SCYL1: variants seen among roughly 807,000 people sequenced by gnomAD.
The protein encoded by SCYL1 is N-terminal kinase-like protein.
SCYL1 carries 85 observed loss-of-function variants against 94.8 expected under a neutral mutation model. The ratio of observed to expected loss-of-function variants is 0.90; its 90% confidence interval spans 0.75 to 1.07. The LOEUF (loss-of-function observed/expected upper bound fraction) is 1.07, where lower values mean the gene tolerates loss of function less well. Among genes scored for constraint, SCYL1 ranks in the 50% least tolerant of loss-of-function variants. SCYL1 has a pLI of 0.00. For synonymous variants in SCYL1, 459 were observed against 435.5 expected, an observed-to-expected ratio of 1.05 and a Z score of -0.67; for missense variants, 968 against 1,083.3, an observed-to-expected ratio of 0.89 and a Z score of 1.49.
Position 65,525,190 on chromosome 11 carries a change from C to A in SCYL1, c.37C>A (p.Pro13Thr). The A allele has an allele frequency of 1.4e-6, 2 of 1,452,384 alleles. No homozygotes were observed. Among genetic ancestry groups the A allele is most frequent in the Non-Finnish European group, 1.8e-6 (2 of 1,097,800 alleles). 90.0% of individuals were successfully genotyped at this position (1,452,384 alleles called of 1,614,324 possible). A position where few individuals can be genotyped will look rare whatever the true frequency, so the allele number is the denominator to read the frequency against. Reference sequence around the variant, plus strand: ...TGCCCGGGACCCGGTCCGGGACTTTCCGTTCGAGCTCATCCCGGAGCCCCC... The same window carrying A: ...TGCCCGGGACCCGGTCCGGGACTTTACGTTCGAGCTCATCCCGGAGCCCCC... ...FFARDPVRDF[P>T]FELIPEPPEG... The change falls in exon 1 of 18, where the codon CCG (proline) becomes ACG (threonine). Residue 13 changes from proline to threonine, a missense_variant. Physicochemically the swap from Pro to Thr is conservative, Grantham distance 38. Coordinates refer to ENST00000270176, the MANE Select transcript of SCYL1 (RefSeq NM_020680.4).
At position 65,530,685 on chromosome 11, in the gene SCYL1, C is replaced by T. The variant is rs200241484; in HGVS notation, c.906C>T (p.Asp302=). 4.1e-5 allele frequency: 66 copies of T among 1,613,968 alleles called. No homozygotes were observed. Among genetic ancestry groups the T allele is most frequent in the African/African-American group, 8.0e-5 (6 of 74,928 alleles). The change falls in exon 7 of 18, where the codon GAC becomes GAT. Residue 302 remains aspartate (D), a synonymous_variant. Coordinates refer to ENST00000270176, the MANE Select transcript of SCYL1 (RefSeq NM_020680.4). ...KFFQELSKSL[D]AFPEDFCRHK... ...TCCAGGAGCTGAGCAAGAGCCTGGA[C>T]GCATTCCCTGAGGATTTCTGTCGGC...
chr11:65,531,824 G>A, intron 8 of SCYL1, 141 bp downstream of exon 8: 1 of 654,510 alleles, frequency 1.5e-6, no homozygotes, highest in Non-Finnish European at 2.7e-6. Flanking sequence ...AATGAGGCCA[G>A]GCTCTCAGAA....
At chr11:65,537,154 C>T (rs1306585940) in intron 14 of SCYL1, 26 bp downstream of exon 14, 2 of 1,612,772 alleles carry the variant, frequency 1.2e-6, no homozygotes, top group African/African-American at 2.7e-5. Flanking sequence ...GGAGCCTCCC[C>T]AGGGGACCCC....
Position 65,538,120 on chromosome 11 carries a change from G to A in SCYL1, c.2185G>A (p.Gly729Ser), listed in dbSNP as rs1324860630. 1.9e-6 allele frequency: 3 copies of A among 1,603,752 alleles called. No individual in the cohort carries two copies. Among genetic ancestry groups the A allele is most frequent in the Admixed American group, 1.7e-5 (1 of 58,548 alleles). The change falls in exon 16 of 18, where the codon GGC becomes AGC. Residue 729 changes from glycine (G) to serine (S), a missense_variant. This residue lies in a region of SCYL1 where 474 missense variants were observed against 463.6 expected (regional missense o/e 1.02). Coordinates refer to ENST00000270176, the MANE Select transcript of SCYL1 (RefSeq NM_020680.4). ...GCTGGCCAGCGAGTATAACTGGGGT[G>A]GCCCAGAGTCCAGCGACAAGGGCGA... is the stretch of plus-strand genomic sequence containing the variant. Reference protein sequence around the residue: ...TRLASEYNWGGPESSDKGDPF... With the variant: ...TRLASEYNWGSPESSDKGDPF...
In SCYL1 at chr11:65,538,637, AGCCCGGCCG is replaced by A; in HGVS notation, c.*76_*84del. The A allele has an allele frequency of 6.6e-7, 1 of 1,517,618 alleles. No individual in the cohort carries two copies. Among genetic ancestry groups the A allele is most frequent in the South Asian group, 1.2e-5 (1 of 80,024 alleles). The allele number at this position is 1,517,618 out of a possible 1,614,324, so 94.0% of individuals were successfully genotyped here. A position where few individuals can be genotyped will look rare whatever the true frequency, so the allele number is the denominator to read the frequency against. On this transcript the variant is annotated 3_prime_UTR_variant, in exon 18 of 18. Transcript: ENST00000270176. Reference sequence around the variant, plus strand: ...ATGTATTTATTGTACAAACCATGTGAGCCCGGCCGGCCCAGCCAGGCCATCTCACGTGTA... The same window carrying A: ...ATGTATTTATTGTACAAACCATGTGAGCCCAGCCAGGCCATCTCACGTGTA...
rs370701660 is a variant in SCYL1, at chr11:65,538,466, G to A, written c.2327G>A (p.Arg776Gln). The change falls in exon 18 of 18, where the codon CGG becomes CAG. Residue 776 changes from arginine (R) to glutamine (Q), a missense_variant. Physicochemically the swap from Arg to Gln is conservative, Grantham distance 43. Coordinates refer to ENST00000270176, the MANE Select transcript of SCYL1 (RefSeq NM_020680.4). ...DSRQVKAELA[R>Q]KKREERRREM... ...GGACAGGTCAAGGCTGAGCTGGCCCGGAAGAAGCGCGAGGAGCGGCGGCGG... is the reference window on the plus strand; with the variant it reads ...GGACAGGTCAAGGCTGAGCTGGCCCAGAAGAAGCGCGAGGAGCGGCGGCGG... The A allele has an allele frequency of 1.1e-5, 18 of 1,575,464 alleles. No individual in the cohort carries two copies. In the African/African-American group the frequency reaches 1.6e-4, roughly 14 times the overall value.
chr11:65,535,287 C>A lies in SCYL1; in HGVS notation c.1291C>A (p.His431Asn). ...CAACCTCAATGTGGAGCTGATGAAG[C>A]ACTTTGCACGGCTACAGGCCAAGGA... ...EANLNVELMK[H>N]FARLQAKDEQ... Residue 431 changes from histidine to asparagine, a missense_variant, in exon 10 of 18, where the codon CAC becomes AAC. Coordinates refer to ENST00000270176, the MANE Select transcript of SCYL1 (RefSeq NM_020680.4). 2 of 1,614,260 alleles carry A rather than the reference C, an allele frequency of 1.2e-6. No individual in the cohort carries two copies. Among genetic ancestry groups the A allele is most frequent in the Non-Finnish European group, 1.7e-6 (2 of 1,180,040 alleles).
chr11:65,530,538 T>C (rs1480382707), intron 6 of SCYL1, 91 bp from the exon 7 acceptor site: 14 of 1,448,274 alleles, frequency 9.7e-6, no homozygotes, highest in Admixed American at 2.1e-5. Context: ...ATAAGGCCCA[T>C]AAGCATCACT....
chr11:65,527,731 CAA>C (rs35335117), intron 6 of SCYL1, among the ~76,000 whole-genome samples: 20 of 88,660 alleles, frequency 2.3e-4, no homozygotes, highest in African/African-American at 2.4e-4. Flanking sequence ...GACTTCGTCT[CAA>C]AAAAAAAAAA....
At chr11:65,535,516 C>A in intron 10 of SCYL1, 134 bp downstream of exon 10, 1 of 1,183,206 alleles carries the variant, frequency 8.5e-7, no homozygotes, top group Non-Finnish European at 1.2e-6. Context: ...GGCCCCATAT[C>A]TGGGTTCCCA....
intron 9 of SCYL1, 168 bp downstream of exon 9, chr11:65,532,973 C>A (rs952650272): frequency 1.7e-6 from 1 of 599,756 alleles, no homozygotes; most frequent in Non-Finnish European, 3.0e-6. Flanking sequence ...GGGAGCACGT[C>A]CTCCATTCAG....
Position 65,527,105 on chromosome 11 carries a change from G to A in SCYL1, c.837G>A (p.Leu279=), listed in dbSNP as rs1439325870. The A allele has an allele frequency of 1.9e-6, 3 of 1,613,282 alleles. No homozygotes were observed. Among genetic ancestry groups the A allele is most frequent in the Non-Finnish European group, 2.5e-6 (3 of 1,179,778 alleles). ...SNRFVETNLF[L]EEIQIKEPAE... is the part of the protein sequence containing the mutation. Reference sequence around the variant, plus strand: ...GCTTTGTAGAAACCAACCTCTTCCTGGAGGAGATTCAGGTGAGCCCCCAAC... The same window carrying A: ...GCTTTGTAGAAACCAACCTCTTCCTAGAGGAGATTCAGGTGAGCCCCCAAC... The change falls in exon 6 of 18, where the codon CTG becomes CTA. Residue 279 remains leucine (L), a synonymous_variant. Transcript: ENST00000270176.
chr11:65,532,305 A>T (rs970367434), intron 8 of SCYL1, among the ~76,000 whole-genome samples: 2 of 151,904 alleles, frequency 1.3e-5, no homozygotes, highest in African/African-American at 2.4e-5. Context: ...GGTGCCTGTA[A>T]TCCCAGCTGC....
chr11:65,536,190 C>T (rs755164649), intron 11 of SCYL1, 49 bp downstream of exon 11: 6 of 1,605,164 alleles, frequency 3.7e-6, no homozygotes, highest in Admixed American at 3.4e-5. Flanking sequence ...TAGGGGATGT[C>T]AGCCCCTAGC....
intron 8 of SCYL1, 126 bp from the exon 9 acceptor site, chr11:65,532,566 C>T: frequency 1.4e-6 from 1 of 738,982 alleles, no homozygotes; most frequent in Non-Finnish European, 2.3e-6. Context: ...TGGGTGGTGG[C>T]TCAGGAGGTT....
At chr11:65,530,931 T>G in intron 7 of SCYL1, 144 bp downstream of exon 7, 4 of 816,610 alleles carry the variant, frequency 4.9e-6, no homozygotes, top group Non-Finnish European at 7.4e-6. Flanking sequence ...AACAGGTACC[T>G]GACCAGCTGT....
rs750371047 is a variant in SCYL1, at chr11:65,538,202, C to T, written c.2247+20C>T. 10 of 1,565,578 alleles carry T rather than the reference C, an allele frequency of 6.4e-6. No homozygotes were observed. Among genetic ancestry groups the T allele is most frequent in the East Asian group, 2.4e-5 (1 of 42,040 alleles). On this transcript the variant is annotated intron_variant, in intron 16 of 17. Coordinates refer to ENST00000270176, the MANE Select transcript of SCYL1 (RefSeq NM_020680.4). Reference sequence around the variant, plus strand: ...ACCCAGGTACCCAGCACAGGTCTGGCGAGAGGGTAGAGATGGTGGACCTCA... The same window carrying T: ...ACCCAGGTACCCAGCACAGGTCTGGTGAGAGGGTAGAGATGGTGGACCTCA...
intron 10 of SCYL1, 151 bp downstream of exon 10, chr11:65,535,533 G>A (rs1020384081): frequency 1.9e-6 from 2 of 1,026,506 alleles, no homozygotes; most frequent in Non-Finnish European, 2.8e-6. Context: ...CCCAGAGGAG[G>A]AGTGAGTTGG....
intron 10 of SCYL1, 74 bp from the exon 11 acceptor site, chr11:65,535,879 G>C (rs1214812188): frequency 9.9e-6 from 14 of 1,420,848 alleles, no homozygotes; most frequent in Non-Finnish European, 1.3e-5. Context: ...CCCATTCTGG[G>C]AAGTAAGGGC....
Sources: gnomAD v4.1 joint callset for allele counts (sites outside exome capture counted in the v4.1 genomes callset) on GRCh38, gnomAD v4.1.1 for gene constraint, gnomAD v4.1.1 regional missense constraint, MANE v1.5 for transcripts, NCBI Gene and HGNC (gene_info 2026-07-23, HGNC 2026-07-21) for gene names.